The following TRHDE variants were observed in gnomAD, a reference collection of about 807,000 sequenced individuals.
TRHDE encodes thyrotropin releasing hormone degrading enzyme, also known as thyrotropin-releasing hormone-degrading ectoenzyme.
Under a neutral mutation model 125.7 loss-of-function variants are expected in TRHDE, and 72 were observed. The ratio of observed to expected loss-of-function variants is 0.57; its 90% CI spans 0.47 to 0.70. The LOEUF (loss-of-function observed/expected upper bound fraction) is 0.70. Among genes scored for constraint, TRHDE ranks in the 30% least tolerant of loss-of-function variants. The pLI, the probability that TRHDE is intolerant of heterozygous loss-of-function variation, is 0.00. For missense variants in TRHDE, 1,110 were observed against 1,327.1 expected (o/e 0.84, Z 2.54); for synonymous variants, 509 against 509.1 (o/e 1.00, Z 0.00).
At chr12:72,193,682 A>G (rs1044635689) in intron 2 of TRHDE, among the ~76,000 whole-genome samples, 3 of 152,172 alleles carry the variant, frequency 2.0e-5, no homozygotes, top group Non-Finnish European at 2.9e-5. Flanking sequence ...ATAAAAGAGC[A>G]AAATGATTAC....
chr12:72,108,536 G>A (rs915225370), intron 2 of TRHDE, among the ~76,000 whole-genome samples: 10 of 152,064 alleles, frequency 6.6e-5, no homozygotes, highest in African/African-American at 2.4e-4. Context: ...TAATGTGAGT[G>A]CCAGCTTCTT....
intron 2 of TRHDE, among the ~76,000 whole-genome samples, chr12:72,224,399 G>A (rs981460168): frequency 2.0e-5 from 3 of 152,006 alleles, no homozygotes; most frequent in Non-Finnish European, 4.4e-5. Flanking sequence ...ATGGTGATAT[G>A]GGAAGGCCAG....
intron 2 of TRHDE, among the ~76,000 whole-genome samples, chr12:72,250,864 T>TATATATA (rs1415968314): frequency 5.5e-5 from 3 of 54,578 alleles, no homozygotes; most frequent in Admixed American, 1.6e-4. Flanking sequence ...ATATATATAT[T>TATATATA]TTATTTTTAT....
chr12:72,451,662 T>C (rs1426162016), intron 3 of TRHDE, among the ~76,000 whole-genome samples: 4 of 152,142 alleles, frequency 2.6e-5, no homozygotes, highest in Non-Finnish European at 4.4e-5. Context: ...GGCACTTTTT[T>C]TTCCTGTTTG....
chr12:72,118,668 G>T (rs1875504698), intron 2 of TRHDE, among the ~76,000 whole-genome samples: 1 of 152,074 alleles, frequency 6.6e-6, no homozygotes, highest in East Asian at 1.9e-4. Context: ...ATCAGTGGAG[G>T]CACAGGGTTC....
Position 72,667,341 on chromosome 12 carries a change from A to G in TRHDE, c.*4146A>G, listed in dbSNP as rs1284596797. On this transcript the variant is annotated 3_prime_UTR_variant, in exon 19 of 19. Transcript: ENST00000261180. ...TCTTACACCTGATTTTTTCATTATC[A>G]GAGATAATTATCAGAGATAATTTTT... The G allele has an allele frequency of 2.0e-5, 3 of 151,846 alleles. No homozygotes were observed. Among genetic ancestry groups the G allele is most frequent in the East Asian group, 3.9e-4 (2 of 5,178 alleles). The allele number at this position is 151,846 out of a possible 1,614,324, so 9.4% of individuals were successfully genotyped here. A position where few individuals can be genotyped will look rare whatever the true frequency, so the allele number is the denominator to read the frequency against.
At position 72,667,114 on chromosome 12, in the gene TRHDE, T is replaced by G. The variant is rs989217536; in HGVS notation, c.*3919T>G. On this transcript the variant is annotated 3_prime_UTR_variant, in exon 19 of 19. Coordinates refer to ENST00000261180, the MANE Select transcript of TRHDE (RefSeq NM_013381.3). ...GCAATTTTAGTACTACTGGATTAGA[T>G]GCAGTAAAGGAATCCCTAAGGAAGT... is the stretch of plus-strand genomic sequence containing the variant. 1.3e-5 allele frequency: 2 copies of G among 151,954 alleles called. No homozygotes were observed. Among genetic ancestry groups the G allele is most frequent in the Non-Finnish European group, 2.9e-5 (2 of 67,918 alleles). The allele number at this position is 151,954 out of a possible 1,614,324, so 9.4% of individuals were successfully genotyped here.
chr12:72,155,727 G>A (rs1353840726), intron 2 of TRHDE, among the ~76,000 whole-genome samples: 2 of 152,194 alleles, frequency 1.3e-5, no homozygotes, highest in Admixed American at 6.5e-5. Context: ...AACAGCAAAC[G>A]TTGCTGCCTG....
At chr12:72,398,647 A>G (rs189792482) in intron 3 of TRHDE, among the ~76,000 whole-genome samples, 3 of 152,358 alleles carry the variant, frequency 2.0e-5, no homozygotes, top group Middle Eastern at 3.4e-3. Context: ...AGTCTTTTCT[A>G]TAAGAAATTT....
intron 2 of TRHDE, among the ~76,000 whole-genome samples, chr12:72,182,109 G>A (rs575895879): frequency 6.6e-6 from 1 of 152,134 alleles, no homozygotes; most frequent in East Asian, 1.9e-4. Flanking sequence ...GTATTTTAGA[G>A]CCCTGAAATG....
At chr12:72,161,832 A>G (rs1876644552) in intron 2 of TRHDE, among the ~76,000 whole-genome samples, 1 of 152,376 alleles carries the variant, frequency 6.6e-6, no homozygotes, top group Non-Finnish European at 1.5e-5. Flanking sequence ...TTTAAGGCTA[A>G]CAGATATGTT....
intron 2 of TRHDE, among the ~76,000 whole-genome samples, chr12:72,229,920 C>T (rs1204361662): frequency 2.0e-5 from 3 of 152,082 alleles, no homozygotes; most frequent in Non-Finnish European, 4.4e-5. Context: ...TCAGAATGGA[C>T]TTCTCAAATG....
intron 3 of TRHDE, among the ~76,000 whole-genome samples, chr12:72,467,644 A>G (rs1308622929): frequency 6.6e-6 from 1 of 152,016 alleles, no homozygotes; most frequent in Non-Finnish European, 1.5e-5. Flanking sequence ...GTGAAACCCC[A>G]TCTCTACTAA....
At chr12:72,216,267 A>G (rs1274583655) in intron 2 of TRHDE, among the ~76,000 whole-genome samples, 1 of 152,166 alleles carries the variant, frequency 6.6e-6, no homozygotes, top group Non-Finnish European at 1.5e-5. Flanking sequence ...ATGTGTAGTT[A>G]CTAAAGCATG....
intron 2 of TRHDE, among the ~76,000 whole-genome samples, chr12:72,167,114 G>C (rs1437650059): frequency 6.6e-6 from 1 of 152,108 alleles, no homozygotes; most frequent in Non-Finnish European, 1.5e-5. Flanking sequence ...TCTGAGACAT[G>C]GTTCTTAAAA....
intron 3 of TRHDE, among the ~76,000 whole-genome samples, chr12:72,461,602 T>TAATCAA (rs1876128190): frequency 6.6e-6 from 1 of 151,876 alleles, no homozygotes; most frequent in Non-Finnish European, 1.5e-5. Flanking sequence ...AGTCATGGTA[T>TAATCAA]AATCAAAATA....
chr12:72,603,628 G>A (rs1222015048), intron 12 of TRHDE, among the ~76,000 whole-genome samples: 1 of 152,162 alleles, frequency 6.6e-6, no homozygotes, highest in African/African-American at 2.4e-5. Flanking sequence ...GGGAGGCTGA[G>A]GCAGGAGAAC....
chr12:72,356,406 G>C (rs1338114414), intron 2 of TRHDE, among the ~76,000 whole-genome samples: 2 of 151,430 alleles, frequency 1.3e-5, no homozygotes, highest in Non-Finnish European at 3.0e-5. Context: ...GGAGAAGGAA[G>C]AAGAGGAGAA....
chr12:72,224,083 TATCTATCC>T (rs766339624), intron 2 of TRHDE, among the ~76,000 whole-genome samples: 18 of 53,530 alleles, frequency 3.4e-4, no homozygotes, highest in African/African-American at 1.2e-3. Flanking sequence ...TCTATCCATC[TATCTATCC>T]ATCTATCTAT....
Sources: allele counts gnomAD v4.1 joint callset (sites outside exome capture counted in the v4.1 genomes callset), GRCh38; gene constraint gnomAD v4.1.1; transcripts MANE v1.5; gene names NCBI Gene and HGNC (gene_info 2026-07-23, HGNC 2026-07-21).